The following ALDH4A1 variants were observed in gnomAD, a reference collection of about 807,000 sequenced individuals.
ALDH4A1 encodes the protein aldehyde dehydrogenase 4 family member A1, also known as delta-1-pyrroline-5-carboxylate dehydrogenase, mitochondrial.
ALDH4A1 carries 46 observed loss-of-function variants against 70.5 expected under a neutral mutation model. The ratio of observed to expected loss-of-function variants is 0.65; its 90% confidence interval spans 0.51 to 0.83. The LOEUF is 0.83. Ranked by LOEUF, ALDH4A1 falls within the 40% of genes least tolerant of loss-of-function variation. The pLI is 0.00. For missense variants in ALDH4A1, 749 were observed against 766.5 expected, an observed-to-expected ratio of 0.98 and a Z score of 0.27; for synonymous variants, 323 against 324.3, an observed-to-expected ratio of 1.00 and a Z score of 0.04.
chr1:18,882,987 G>T, intron 7 of ALDH4A1, 137 bp downstream of exon 7: 1 of 1,173,010 alleles, frequency 8.5e-7, no homozygotes, highest in Non-Finnish European at 1.3e-6. Flanking sequence ...CCTACCCACA[G>T]CCCCAAGCTG....
rs754399496 is a variant in ALDH4A1 at position 18,877,500 on chromosome 1, GC to G, written c.1052del (p.Cys351SerfsTer41). ...GCGAGTGCGGCACGTAGAGACGCGA[GC>G]ACGCGGAACACTTCTGGCCACCGTA... Reference protein sequence around the residue: ...FEYGGQKCSACSRLYVPHSLW... With the variant: ...FEYGGQKCSAXSRLYVPHSLW... On this transcript the variant is annotated frameshift_variant, in exon 10 of 15. Coordinates refer to ENST00000375341, the MANE Select transcript of ALDH4A1 (RefSeq NM_003748.4). LOFTEE classifies it high-confidence loss of function. 6.2e-7 allele frequency: 1 copy of G among 1,607,868 alleles called. No homozygotes were observed. The highest frequency in any genetic ancestry group is 8.5e-7 in the Non-Finnish European group (1 of 1,177,492).
In ALDH4A1 at chr1:18,881,573, C is replaced by T. The variant is rs1934966984; in HGVS notation, c.866+127G>A. 4 of 1,018,604 alleles carry T rather than the reference C, an allele frequency of 3.9e-6. No homozygotes were observed. In the Admixed American group the frequency reaches 7.6e-5, roughly 19 times the overall value. 63.1% of individuals were successfully genotyped at this position (1,018,604 alleles called of 1,614,324 possible). Reference sequence around the variant, plus strand: ...AGGTGAAGTGGCTCACTCATAGCCACACAGCAAGTAAGGGAGTAGAGTCCG... The same window carrying T: ...AGGTGAAGTGGCTCACTCATAGCCATACAGCAAGTAAGGGAGTAGAGTCCG... On this transcript the variant is annotated intron_variant, in intron 8 of 14. Transcript: ENST00000375341.
chr1:18,883,980 T>C (rs1310326101), intron 5 of ALDH4A1, among the ~76,000 whole-genome samples: 1 of 152,140 alleles, frequency 6.6e-6, no homozygotes, highest in Non-Finnish European at 1.5e-5. Flanking sequence ...TAACAGCAAA[T>C]GTGAGCTGCA....
At chr1:18,901,408 C>A (rs751889181) in intron 1 of ALDH4A1, among the ~76,000 whole-genome samples, 1 of 152,200 alleles carries the variant, frequency 6.6e-6, no homozygotes, top group African/African-American at 2.4e-5. Flanking sequence ...CCACTAACAG[C>A]CCCAGGGGTC....
intron 1 of ALDH4A1, among the ~76,000 whole-genome samples, chr1:18,893,271 G>A (rs1935504810): frequency 1.3e-5 from 2 of 152,126 alleles, no homozygotes; most frequent in East Asian, 1.9e-4. Flanking sequence ...CTGGAAAATG[G>A]GTACAATACT....
chr1:18,872,641 G>A lies in ALDH4A1; in HGVS notation c.*204C>T, dbSNP rs1215176560. The A allele has an allele frequency of 1.8e-6, 1 of 555,260 alleles. No individual in the cohort carries two copies. Among genetic ancestry groups the A allele is most frequent in the Non-Finnish European group, 3.2e-6 (1 of 310,052 alleles). 34.4% of individuals were successfully genotyped at this position (555,260 alleles called of 1,614,324 possible). The stretch of plus-strand genomic sequence containing the variant: ...CATGGCCGATGGGATAAGGGGTAGT[G>A]GCCATGTTCCTCCCCAGCACGATCT... On this transcript the variant is annotated 3_prime_UTR_variant, in exon 15 of 15. Transcript: ENST00000375341.
chr1:18,876,401 C>T lies in ALDH4A1; in HGVS notation c.1252G>A (p.Gly418Arg), dbSNP rs148586081. 5 of 1,613,334 alleles carry T rather than the reference C, an allele frequency of 3.1e-6. No individual in the cohort carries two copies. Among genetic ancestry groups the T allele is most frequent in the African/African-American group, 2.7e-5 (2 of 74,914 alleles). ...CCCACGGAGTCATCACACTTGCCCC[C>T]GGCCAGGATGGTGAGGCTGGGTGAG... ...RSSPSLTILA[G>R]GKCDDSVGYF... Residue 418 changes from glycine (G) to arginine (R), a missense_variant, in exon 12 of 15, where the codon GGG (glycine) becomes AGG (arginine). Transcript: ENST00000375341.
intron 9 of ALDH4A1, among the ~76,000 whole-genome samples, chr1:18,878,442 C>T (rs902689427): frequency 6.6e-6 from 1 of 152,132 alleles, no homozygotes; most frequent in African/African-American, 2.4e-5. Context: ...ATCCGAACTC[C>T]CACCAGTCCA....
At chr1:18,877,385 G>A in intron 10 of ALDH4A1, 31 bp downstream of exon 10, 2 of 1,553,782 alleles carry the variant, frequency 1.3e-6, no homozygotes, top group Non-Finnish European at 1.7e-6. Flanking sequence ...GCCCCCCGCT[G>A]GGCCGCGGCG....
At chr1:18,883,540 C>A in intron 5 of ALDH4A1, 112 bp from the exon 6 acceptor site, 8 of 1,476,814 alleles carry the variant, frequency 5.4e-6, no homozygotes, top group Non-Finnish European at 7.4e-6. Context: ...CAGGAGGGAC[C>A]AGGAAACATT....
Position 18,883,461 on chromosome 1 carries a change from C to T in ALDH4A1, c.454-33G>A, listed in dbSNP as rs750931249. On this transcript the variant is annotated intron_variant, in intron 5 of 14. Transcript: ENST00000375341. ...GCAGAGGGCCGGGGGTCAGGAGCAG[C>T]CAACAGCCTCCTGTCCATCCTCTTC... The T allele has an allele frequency of 6.2e-6, 10 of 1,612,232 alleles. No homozygotes were observed. In the South Asian group the frequency reaches 1.1e-4, roughly 18 times the overall value.
intron 1 of ALDH4A1, among the ~76,000 whole-genome samples, chr1:18,896,090 T>C (rs573257123): frequency 3.3e-5 from 5 of 152,224 alleles, no homozygotes; most frequent in African/African-American, 1.2e-4. Flanking sequence ...CAACCTCACA[T>C]AGCCGGAATG....
chr1:18,900,591 TACAGTGC>T (rs1483322600), intron 1 of ALDH4A1, among the ~76,000 whole-genome samples: 1 of 152,190 alleles, frequency 6.6e-6, no homozygotes, highest in Non-Finnish European at 1.5e-5. Context: ...CTAAACATTC[TACAGTGC>T]ACAGGACAGA....
chr1:18,875,540 A>G, intron 12 of ALDH4A1, 37 bp from the exon 13 acceptor site: 2 of 1,613,332 alleles, frequency 1.2e-6, no homozygotes, highest in Non-Finnish European at 1.7e-6. Flanking sequence ...CCTCCACGGG[A>G]CCAGGGACCA....
chr1:18,876,175 C>T (rs1328338413), intron 12 of ALDH4A1, 140 bp downstream of exon 12: 19 of 1,164,544 alleles, frequency 1.6e-5, no homozygotes, highest in African/African-American at 7.6e-5. Flanking sequence ...TACTCTCTCC[C>T]GGTCGGAGGC....
At chr1:18,896,559 G>A (rs1935622762) in intron 1 of ALDH4A1, among the ~76,000 whole-genome samples, 2 of 152,228 alleles carry the variant, frequency 1.3e-5, no homozygotes, top group South Asian at 2.1e-4. Context: ...AACACTAGGT[G>A]AGCAGAGAAA....
chr1:18,886,594 T>G, intron 3 of ALDH4A1, 83 bp from the exon 4 acceptor site: 31 of 1,510,980 alleles, frequency 2.1e-5, no homozygotes, highest in Non-Finnish European at 2.6e-5. Context: ...AGAGCCGGTT[T>G]TCCAGGAAAG....
At chr1:18,885,982 T>C (rs1177719080) in intron 4 of ALDH4A1, among the ~76,000 whole-genome samples, 2 of 152,102 alleles carry the variant, frequency 1.3e-5, no homozygotes, top group African/African-American at 4.8e-5. Context: ...AAACTTGAGG[T>C]CAACTGGAGC....
intron 1 of ALDH4A1, among the ~76,000 whole-genome samples, chr1:18,892,831 T>C (rs138011319): frequency 6.6e-6 from 1 of 152,250 alleles, no homozygotes; most frequent in Non-Finnish European, 1.5e-5. Context: ...AATATGGAGA[T>C]TTGATAACGA....
Sources: gnomAD v4.1 joint callset for allele counts (sites outside exome capture counted in the v4.1 genomes callset) on GRCh38, gnomAD v4.1.1 for gene constraint, MANE v1.5 for transcripts, NCBI Gene and HGNC (gene_info 2026-07-23, HGNC 2026-07-21) for gene names.